CA8: variants seen among roughly 807,000 people sequenced by gnomAD.
CA8 encodes carbonic anhydrase-related protein.
A neutral mutation model predicts 41.4 loss-of-function variants in CA8; 22 were observed. That is an observed-to-expected ratio of 0.53 (90% CI 0.38 to 0.76). The LOEUF is 0.76. Among genes scored for constraint, CA8 ranks in the 30% least tolerant of loss-of-function variants. CA8 has a pLI of 0.00. For missense variants in CA8, 270 were observed against 352.8 expected (o/e 0.77, Z 1.88); for synonymous variants, 121 against 130.6 (o/e 0.93, Z 0.50).
rs1327565100 is a variant in CA8 at position 60,189,865 on chromosome 8, G to GA, written c.*155dup. On this transcript the variant is annotated 3_prime_UTR_variant, in exon 9 of 9. Transcript: ENST00000317995. ...AGCAAGTGTACAGGCAACCATCACA[G>GA]ATGTCCATCAAAGCTGGATTAGATG... 6.6e-6 allele frequency: 1 copy of GA among 152,358 alleles called. No individual in the cohort carries two copies. Among genetic ancestry groups the GA allele is most frequent in the African/African-American group, 2.4e-5 (1 of 41,402 alleles). 9.4% of individuals were successfully genotyped at this position (152,358 alleles called of 1,614,324 possible). A position where few individuals can be genotyped will look rare whatever the true frequency, so the allele number is the denominator to read the frequency against.
At chr8:60,275,974 A>G (rs1275514770) in intron 2 of CA8, among the ~76,000 whole-genome samples, 1 of 152,234 alleles carries the variant, frequency 6.6e-6, no homozygotes, top group Admixed American at 6.5e-5. Flanking sequence ...CTTCCAACCC[A>G]GACTGCCGCT....
intron 8 of CA8, among the ~76,000 whole-genome samples, chr8:60,197,932 A>G (rs1279052090): frequency 6.6e-6 from 1 of 152,222 alleles, no homozygotes; most frequent in Non-Finnish European, 1.5e-5. Flanking sequence ...TACCCAATCA[A>G]CAGTGCAAGC....
intron 7 of CA8, among the ~76,000 whole-genome samples, chr8:60,213,806 T>G (rs1411030227): frequency 6.6e-6 from 1 of 152,120 alleles, no homozygotes; most frequent in African/African-American, 2.4e-5. Context: ...AAGTTTAATA[T>G]GTGGATCACA....
At chr8:60,218,970 G>A (rs1807130522) in intron 7 of CA8, among the ~76,000 whole-genome samples, 1 of 151,672 alleles carries the variant, frequency 6.6e-6, no homozygotes, top group South Asian at 2.1e-4. Flanking sequence ...GGGACCTGGA[G>A]CAACTAGATA....
intron 2 of CA8, among the ~76,000 whole-genome samples, chr8:60,267,121 C>A (rs1246015229): frequency 3.9e-5 from 6 of 152,170 alleles, no homozygotes; most frequent in Admixed American, 3.3e-4. Context: ...ATTGGTGCAA[C>A]AATATTTACT....
At chr8:60,235,457 G>C (rs912875627) in intron 3 of CA8, among the ~76,000 whole-genome samples, 1 of 152,184 alleles carries the variant, frequency 6.6e-6, no homozygotes, top group Non-Finnish European at 1.5e-5. Flanking sequence ...GAATTTGGCA[G>C]GGACACAATT....
chr8:60,221,280 A>C (rs1585868518), intron 7 of CA8, among the ~76,000 whole-genome samples: 1 of 152,274 alleles, frequency 6.6e-6, no homozygotes, highest in South Asian at 2.1e-4. Context: ...AGAGCACCTT[A>C]CTTATTATCA....
intron 1 of CA8, 36 bp downstream of exon 1, chr8:60,281,012 G>T: frequency 6.6e-7 from 1 of 1,505,110 alleles, no homozygotes; most frequent in Non-Finnish European, 9.2e-7. Flanking sequence ...TGACGCCGCC[G>T]CGGGACCCCG....
At chr8:60,259,762 T>C (rs1563375915) in intron 3 of CA8, among the ~76,000 whole-genome samples, 1 of 149,234 alleles carries the variant, frequency 6.7e-6, no homozygotes, top group Non-Finnish European at 1.5e-5. Flanking sequence ...TTTGCCAAGA[T>C]GTGAGAGGGA....
intron 3 of CA8, among the ~76,000 whole-genome samples, chr8:60,255,949 C>G (rs1585911559): frequency 1.3e-5 from 2 of 148,192 alleles, no homozygotes; most frequent in African/African-American, 5.0e-5. Flanking sequence ...GTTATTGTTG[C>G]CCAGGCTGGA....
chr8:60,247,544 T>C (rs922265824), intron 3 of CA8, among the ~76,000 whole-genome samples: 1 of 152,224 alleles, frequency 6.6e-6, no homozygotes, highest in Non-Finnish European at 1.5e-5. Flanking sequence ...CTGAGAATGA[T>C]GGTTTCCAGC....
At chr8:60,195,855 T>C (rs1806265663) in intron 8 of CA8, among the ~76,000 whole-genome samples, 1 of 152,064 alleles carries the variant, frequency 6.6e-6, no homozygotes, top group Non-Finnish European at 1.5e-5. Context: ...CATGACAGCA[T>C]CGGGTCATGA....
Position 60,218,064 on chromosome 8 carries a change from G to C in CA8, c.738+4585C>G, listed in dbSNP as rs1437068572. ...CCTCTCCAACCCCCTCATGTCGCAG[G>C]CTCTCCACACTTACCGCAAGCGTTC... is the stretch of plus-strand genomic sequence containing the variant. On this transcript the variant is annotated intron_variant, in intron 7 of 8. Coordinates refer to ENST00000317995, the MANE Select transcript of CA8 (RefSeq NM_004056.6). 2.0e-5 allele frequency among the ~76,000 whole-genome samples: 3 copies of C among 152,106 alleles called. No individual in the cohort carries two copies. The South Asian group carries it at 6.2e-4, about 32-fold the overall frequency.
At chr8:60,222,118 C>T (rs1807271951) in intron 7 of CA8, among the ~76,000 whole-genome samples, 1 of 152,172 alleles carries the variant, frequency 6.6e-6, no homozygotes, top group Admixed American at 6.5e-5. Context: ...GTTGGATGCT[C>T]CCACCCACCG....
chr8:60,220,550 A>G (rs1807208413), intron 7 of CA8, among the ~76,000 whole-genome samples: 1 of 152,118 alleles, frequency 6.6e-6, no homozygotes, highest in African/African-American at 2.4e-5. Flanking sequence ...CTCCTCCTCC[A>G]CATCTTGGCA....
chr8:60,253,721 T>C (rs911280247), intron 3 of CA8, among the ~76,000 whole-genome samples: 1 of 152,146 alleles, frequency 6.6e-6, no homozygotes, highest in African/African-American at 2.4e-5. Flanking sequence ...GAGACCAGCA[T>C]TTCTGCCCTG....
chr8:60,218,160 T>C (rs923164260), intron 7 of CA8, among the ~76,000 whole-genome samples: 4 of 152,194 alleles, frequency 2.6e-5, no homozygotes, highest in Non-Finnish European at 5.9e-5. Flanking sequence ...CTGTTGGCAA[T>C]TCCCACGAAT....
chr8:60,256,258 A>T (rs1808634001), intron 3 of CA8, among the ~76,000 whole-genome samples: 1 of 152,196 alleles, frequency 6.6e-6, no homozygotes, highest in Non-Finnish European at 1.5e-5. Context: ...AAGGGTAGGT[A>T]GAATTTTAAT....
chr8:60,243,603 G>C lies in CA8; in HGVS notation c.418-11224C>G, dbSNP rs144423681. On this transcript the variant is annotated intron_variant, in intron 3 of 8. Coordinates refer to ENST00000317995, the MANE Select transcript of CA8 (RefSeq NM_004056.6). ...CATCAGTTTAGTGAAACTGCTCACC[G>C]TCTACGGCCATACCACCCTGAACGC... Among the ~76,000 whole-genome samples, 571 of 152,064 alleles carry C rather than the reference G, an allele frequency of 3.8e-3. 6 individuals carry two copies. The highest frequency in any genetic ancestry group is 0.013 in the African/African-American group (548 of 41,462).
Sources: allele counts gnomAD v4.1 joint callset (sites outside exome capture counted in the v4.1 genomes callset), GRCh38; gene constraint gnomAD v4.1.1; transcripts MANE v1.5; gene names NCBI Gene and HGNC (gene_info 2026-07-23, HGNC 2026-07-21).